The following KCND2 variants were observed in gnomAD, a reference collection of about 807,000 sequenced individuals.
KCND2 encodes the protein A-type voltage-gated potassium channel KCND2.
In KCND2, 16 loss-of-function variants were observed where a neutral mutation model predicts 54.4. The ratio of observed to expected loss-of-function variants is 0.29; its 90% CI spans 0.20 to 0.45. The LOEUF (loss-of-function observed/expected upper bound fraction) is 0.45. Among genes scored for constraint, KCND2 ranks in the 20% least tolerant of loss-of-function variants. The pLI is 1.00. For synonymous variants in KCND2, 317 were observed against 310.7 expected (o/e 1.02, Z -0.21); for missense variants, 486 against 824.2 (o/e 0.59, Z 5.02).
intron 1 of KCND2, among the ~76,000 whole-genome samples, chr7:120,341,576 A>G (rs1056027799): frequency 2.6e-5 from 4 of 152,150 alleles, no homozygotes; most frequent in African/African-American, 9.6e-5. Flanking sequence ...GATCAGAGAC[A>G]TAGATGCATG....
intron 1 of KCND2, among the ~76,000 whole-genome samples, chr7:120,598,001 C>T (rs531716198): frequency 7.3e-5 from 11 of 151,394 alleles, no homozygotes; most frequent in Admixed American, 4.0e-4. Context: ...TTCTAAAAAC[C>T]GCCTCCACAA....
At chr7:120,351,145 G>T (rs979241317) in intron 1 of KCND2, among the ~76,000 whole-genome samples, 2 of 148,636 alleles carry the variant, frequency 1.3e-5, no homozygotes, top group African/African-American at 4.9e-5. Context: ...TATATATTTT[G>T]TATTGTGCAT....
chr7:120,629,000 T>A (rs564555784), intron 1 of KCND2, among the ~76,000 whole-genome samples: 1 of 152,256 alleles, frequency 6.6e-6, no homozygotes, highest in Admixed American at 6.5e-5. Flanking sequence ...GTGATATGAG[T>A]AATGCTATTA....
chr7:120,691,472 A>G (rs556418031), intron 1 of KCND2, among the ~76,000 whole-genome samples: 46 of 152,302 alleles, frequency 3.0e-4, no homozygotes, highest in African/African-American at 1.1e-3. Context: ...CAGTGACTGT[A>G]AGAGACAGAG....
intron 1 of KCND2, among the ~76,000 whole-genome samples, chr7:120,551,027 C>T (rs758312328): frequency 7.9e-5 from 12 of 152,172 alleles, no homozygotes; most frequent in Non-Finnish European, 1.6e-4. Context: ...TTGTAGAGAA[C>T]CAACCAATTG....
At chr7:120,551,235 C>A (rs554176862) in intron 1 of KCND2, among the ~76,000 whole-genome samples, 1 of 152,268 alleles carries the variant, frequency 6.6e-6, no homozygotes, top group African/African-American at 2.4e-5. Context: ...TATAAAAATT[C>A]TCTACTTAAA....
chr7:120,468,475 A>G (rs1478549210), intron 1 of KCND2, among the ~76,000 whole-genome samples: 4 of 152,086 alleles, frequency 2.6e-5, no homozygotes, highest in Admixed American at 2.6e-4. Context: ...CATTCCCCAG[A>G]CAGTATGGTA....
At chr7:120,312,366 A>G (rs903533133) in intron 1 of KCND2, among the ~76,000 whole-genome samples, 3 of 151,902 alleles carry the variant, frequency 2.0e-5, no homozygotes, top group African/African-American at 7.2e-5. Context: ...ATGTGTTTTT[A>G]TAACAGAAAG....
intron 1 of KCND2, among the ~76,000 whole-genome samples, chr7:120,622,700 C>T (rs1477069833): frequency 6.8e-6 from 1 of 146,376 alleles, no homozygotes; most frequent in East Asian, 2.0e-4. Flanking sequence ...CTCTCTCTCT[C>T]TCTCTCTCTC....
At chr7:120,438,103 G>A (rs1801896738) in intron 1 of KCND2, among the ~76,000 whole-genome samples, 1 of 152,190 alleles carries the variant, frequency 6.6e-6, no homozygotes, top group Admixed American at 6.5e-5. Context: ...AAACTGAAGA[G>A]ACTTTAGAGA....
intron 1 of KCND2, among the ~76,000 whole-genome samples, chr7:120,298,564 T>A (rs1799542223): frequency 6.6e-6 from 1 of 152,188 alleles, no homozygotes; most frequent in African/African-American, 2.4e-5. Context: ...CTGCTAATAA[T>A]CTCTAAAAAT....
intron 1 of KCND2, among the ~76,000 whole-genome samples, chr7:120,710,734 A>T (rs1357949302): frequency 6.6e-6 from 1 of 152,172 alleles, no homozygotes; most frequent in Non-Finnish European, 1.5e-5. Flanking sequence ...TCTGTTTGAC[A>T]GATGAGAAAA....
chr7:120,391,031 A>G (rs1391011667), intron 1 of KCND2, among the ~76,000 whole-genome samples: 1 of 151,888 alleles, frequency 6.6e-6, no homozygotes, highest in African/African-American at 2.4e-5. Context: ...TAAGCCCCGC[A>G]TGATTAGGTA....
At chr7:120,722,952 C>G (rs757117076) in intron 1 of KCND2, among the ~76,000 whole-genome samples, 1 of 152,142 alleles carries the variant, frequency 6.6e-6, no homozygotes, top group African/African-American at 2.4e-5. Flanking sequence ...AGAAAACAGG[C>G]TTATCAACAG....
chr7:120,675,855 CTTTT>C (rs58226731), intron 1 of KCND2, among the ~76,000 whole-genome samples: 3 of 121,514 alleles, frequency 2.5e-5, no homozygotes, highest in African/African-American at 6.5e-5. Context: ...TCTTTCTATT[CTTTT>C]TTTTTTTTTT....
intron 1 of KCND2, among the ~76,000 whole-genome samples, chr7:120,460,554 C>T (rs528448425): frequency 2.1e-5 from 3 of 144,178 alleles, no homozygotes; most frequent in South Asian, 2.1e-4. Flanking sequence ...TTCCCCACCA[C>T]GGCCTTTTTT....
chr7:120,630,951 G>C (rs1004949370), intron 1 of KCND2, among the ~76,000 whole-genome samples: 1 of 152,124 alleles, frequency 6.6e-6, no homozygotes, highest in East Asian at 1.9e-4. Context: ...CTGTAAATTA[G>C]AAAATCTTTG....
At chr7:120,458,496 G>A (rs1273655009) in intron 1 of KCND2, among the ~76,000 whole-genome samples, 2 of 152,140 alleles carry the variant, frequency 1.3e-5, no homozygotes, top group Non-Finnish European at 2.9e-5. Context: ...TGTGTGTCAA[G>A]TCTTGTACCT....
chr7:120,390,180 CA>C (rs527676886), intron 1 of KCND2, among the ~76,000 whole-genome samples: 87 of 151,436 alleles, frequency 5.7e-4, no homozygotes, highest in African/African-American at 2.0e-3. Context: ...ATCAGAATTT[CA>C]AAAATAATAT....
Sources: allele counts gnomAD v4.1 joint callset (sites outside exome capture counted in the v4.1 genomes callset), GRCh38; gene constraint gnomAD v4.1.1; transcripts MANE v1.5; gene names NCBI Gene and HGNC (gene_info 2026-07-23, HGNC 2026-07-21).